PCDH15: variants seen among roughly 807,000 people sequenced by gnomAD.
The protein encoded by PCDH15 is protocadherin related 15.
In PCDH15, 129 loss-of-function variants were observed where a neutral mutation model predicts 178.5. The ratio of observed to expected loss-of-function variants is 0.72; its 90% CI spans 0.63 to 0.84. PCDH15 has a LOEUF of 0.84. Ranked by LOEUF, PCDH15 falls within the 40% of genes least tolerant of loss-of-function variation. The probability of loss-of-function intolerance (pLI) is 0.00; values close to 1 mark genes in which losing one functional copy is unlikely to be tolerated. For synonymous variants in PCDH15, 800 were observed against 732.0 expected, an observed-to-expected ratio of 1.09 and a Z score of -1.50; for missense variants, 2,230 against 2,099.9, an observed-to-expected ratio of 1.06 and a Z score of -1.21.
At chr10:53,995,583 T>C (rs773752708) in intron 21 of PCDH15, 66 bp downstream of exon 21, 1 of 1,612,886 alleles carries the variant, frequency 6.2e-7, no homozygotes, top group Non-Finnish European at 8.5e-7. Context: ...TGTGATTCGG[T>C]CATTTATGAG....
At chr10:54,037,968 G>A (rs994768537) in intron 18 of PCDH15, among the ~76,000 whole-genome samples, 1 of 151,920 alleles carries the variant, frequency 6.6e-6, no homozygotes, top group Non-Finnish European at 1.5e-5. Flanking sequence ...TGCAGAGTTG[G>A]ATGAGTATGA....
chr10:54,722,796 C>G (rs538025806), intron 1 of PCDH15, among the ~76,000 whole-genome samples: 3 of 151,444 alleles, frequency 2.0e-5, no homozygotes, highest in Non-Finnish European at 3.0e-5. Flanking sequence ...TTTAAAATAG[C>G]TGCAAAAAAT....
At chr10:55,593,523 A>T (rs544605240) in intron 2 of PCDH15, among the ~76,000 whole-genome samples, 1 of 152,058 alleles carries the variant, frequency 6.6e-6, no homozygotes, top group East Asian at 1.9e-4. Context: ...TTATGGAGAG[A>T]GACAATTTTT....
intron 18 of PCDH15, among the ~76,000 whole-genome samples, chr10:54,039,780 A>G (rs2093499492): frequency 6.6e-6 from 1 of 151,940 alleles, no homozygotes; most frequent in Non-Finnish European, 1.5e-5. Context: ...ATGACACTTG[A>G]GCTTTTGGGA....
chr10:55,316,804 A>G (rs1256635652), intron 1 of PCDH15, among the ~76,000 whole-genome samples: 1 of 152,210 alleles, frequency 6.6e-6, no homozygotes, highest in Non-Finnish European at 1.5e-5. Flanking sequence ...AGAAAATAAA[A>G]GTGTTAAATT....
Position 54,118,817 on chromosome 10 carries a change from C to T in PCDH15, c.1917+14058G>A, listed in dbSNP as rs112321076. Among the ~76,000 whole-genome samples the T allele has an allele frequency of 7.3e-3, 1,102 of 150,188 alleles. 9 individuals are homozygous for T. Among genetic ancestry groups the T allele is most frequent in the African/African-American group, 0.025 (1,003 of 40,858 alleles). On this transcript the variant is annotated intron_variant, in intron 15 of 37. Coordinates refer to ENST00000644397, the MANE Select transcript of PCDH15 (RefSeq NM_001384140.1). ...AAATGATGAATTAGAGACTTTGGTG[C>T]GCCTCAGCCACTTGAAAATAGCAAA...
At chr10:54,454,025 C>T (rs1470488332) in intron 3 of PCDH15, among the ~76,000 whole-genome samples, 1 of 151,168 alleles carries the variant, frequency 6.6e-6, no homozygotes, top group Non-Finnish European at 1.5e-5. Context: ...TTATATACAT[C>T]TCCTTGAATA....
chr10:54,236,368 G>A (rs12265449), intron 9 of PCDH15, among the ~76,000 whole-genome samples: 2,992 of 151,832 alleles, frequency 0.02, 81 homozygotes, highest in African/African-American at 0.068. Context: ...TGGGCTAATC[G>A]TGCTCTCTCA....
At chr10:54,196,059 G>A (rs1479053286) in intron 10 of PCDH15, among the ~76,000 whole-genome samples, 170 bp from the exon 11 acceptor site, 2 of 152,178 alleles carry the variant, frequency 1.3e-5, no homozygotes, top group Non-Finnish European at 2.9e-5. Context: ...TGAAAATCCA[G>A]TGAGGCTTAA....
chr10:55,558,039 T>C (rs1842125191), intron 2 of PCDH15, among the ~76,000 whole-genome samples: 1 of 152,040 alleles, frequency 6.6e-6, no homozygotes, highest in Non-Finnish European at 1.5e-5. Flanking sequence ...GTAGATAAAA[T>C]GACTATGCCA....
intron 2 of PCDH15, among the ~76,000 whole-genome samples, chr10:55,491,456 A>T (rs1840415403): frequency 6.6e-6 from 1 of 151,590 alleles, no homozygotes; most frequent in African/African-American, 2.4e-5. Context: ...TGGAGGTTTC[A>T]CGATGGTTGG....
At chr10:54,700,783 A>G (rs1022558785) in intron 1 of PCDH15, among the ~76,000 whole-genome samples, 1 of 152,074 alleles carries the variant, frequency 6.6e-6, no homozygotes, top group African/African-American at 2.4e-5. Flanking sequence ...CAAGTTGGAA[A>G]CCATATTTTG....
At chr10:54,852,228 G>A (rs1016037678) in intron 3 of PCDH15, among the ~76,000 whole-genome samples, 4 of 146,652 alleles carry the variant, frequency 2.7e-5, no homozygotes, top group African/African-American at 1.0e-4. Context: ...TATGTATATT[G>A]AGTAAATTGT....
intron 18 of PCDH15, among the ~76,000 whole-genome samples, chr10:54,063,261 G>A (rs953444935): frequency 1.3e-5 from 2 of 152,072 alleles, no homozygotes; most frequent in Non-Finnish European, 2.9e-5. Flanking sequence ...GACATGGTAC[G>A]TCTTATTCAT....
chr10:55,378,142 GC>G (rs1837444591), intron 2 of PCDH15, among the ~76,000 whole-genome samples: 1 of 152,018 alleles, frequency 6.6e-6, no homozygotes, highest in Admixed American at 6.6e-5. Context: ...GACCACCATG[GC>G]ACGTTTATAC....
At chr10:54,747,009 G>C (rs1945553001) in intron 1 of PCDH15, among the ~76,000 whole-genome samples, 1 of 152,180 alleles carries the variant, frequency 6.6e-6, no homozygotes, top group South Asian at 2.1e-4. Context: ...TAACACCACT[G>C]TAGGTCAAGA....
chr10:54,986,637 C>G (rs539249581), intron 2 of PCDH15, among the ~76,000 whole-genome samples: 35 of 152,256 alleles, frequency 2.3e-4, no homozygotes, highest in Non-Finnish European at 4.4e-4. Context: ...AAACTTTCAA[C>G]AAAGCCACAT....
chr10:54,807,625 C>T (rs920368073), intron 3 of PCDH15, among the ~76,000 whole-genome samples: 1 of 150,228 alleles, frequency 6.7e-6, no homozygotes, highest in African/African-American at 2.4e-5. Flanking sequence ...CCAAGCTAGC[C>T]TCTTAGATTT....
At chr10:54,476,389 A>G (rs1367320139) in intron 3 of PCDH15, among the ~76,000 whole-genome samples, 1 of 152,102 alleles carries the variant, frequency 6.6e-6, no homozygotes, top group African/African-American at 2.4e-5. Flanking sequence ...ATGGATTAAG[A>G]TAACATAATC....
Sources: gnomAD v4.1 joint callset for allele counts (sites outside exome capture counted in the v4.1 genomes callset) on GRCh38, gnomAD v4.1.1 for gene constraint, MANE v1.5 for transcripts, NCBI Gene and HGNC (gene_info 2026-07-23, HGNC 2026-07-21) for gene names.